Variants in DPH1 observed in about 807,000 individuals in gnomAD.
DPH1 encodes 2-(3-amino-3-carboxypropyl)histidine synthase subunit 1.
A neutral mutation model predicts 55.3 loss-of-function variants in DPH1; 59 were observed. The ratio of observed to expected loss-of-function variants is 1.07; its 90% CI spans 0.87 to 1.33. The LOEUF (loss-of-function observed/expected upper bound fraction) is 1.33, where lower values mean the gene tolerates loss of function less well. Ranked by LOEUF, DPH1 falls within the 40% of genes most tolerant of loss-of-function variation. The pLI is 0.00. For missense variants in DPH1, 628 were observed against 584.8 expected, an observed-to-expected ratio of 1.07 and a Z score of -0.76; for synonymous variants, 238 against 235.5, an observed-to-expected ratio of 1.01 and a Z score of -0.10.
At chr17:2,037,445 G>T (rs1018190053) in intron 6 of DPH1, among the ~76,000 whole-genome samples, 1 of 152,210 alleles carries the variant, frequency 6.6e-6, no homozygotes, top group South Asian at 2.1e-4. Context: ...TGGCAGGGAG[G>T]GAGGGTCGCT....
chr17:2,043,227 C>CA lies in DPH1; in HGVS notation c.*643dup. 8.1e-7 allele frequency: 1 copy of CA among 1,234,572 alleles called. No individual in the cohort carries two copies. The highest frequency in any genetic ancestry group is 1.1e-6 in the Non-Finnish European group (1 of 892,142). The allele number at this position is 1,234,572 out of a possible 1,614,324, so 76.5% of individuals were successfully genotyped here. On this transcript the variant is annotated 3_prime_UTR_variant, in exon 13 of 13. Transcript: ENST00000263083. ...CGCCTCACCAGAACCAGTTAAGAGACAACTATCAATTCTTGAGACCCAAAT... is the reference window on the plus strand; with the variant it reads ...CGCCTCACCAGAACCAGTTAAGAGACAAACTATCAATTCTTGAGACCCAAAT...
intron 1 of DPH1, among the ~76,000 whole-genome samples, chr17:2,031,776 T>C (rs564921888): frequency 2.6e-4 from 40 of 152,228 alleles, no homozygotes; most frequent in African/African-American, 8.7e-4. Context: ...TTCAGCTTAT[T>C]ATTTTTTATC....
intron 12 of DPH1, 140 bp from the exon 13 acceptor site, chr17:2,042,465 C>T (rs1443929008): frequency 6.6e-5 from 86 of 1,310,298 alleles, no homozygotes; most frequent in Admixed American, 1.5e-4. Context: ...CACTCATTTC[C>T]CCCCTCTCAT....
chr17:2,041,265 C>A, intron 10 of DPH1, 84 bp downstream of exon 10: 1 of 1,512,534 alleles, frequency 6.6e-7, no homozygotes, highest in Non-Finnish European at 9.0e-7. Context: ...GGGTGGGCAG[C>A]ACTTCGTTAT....
intron 1 of DPH1, 90 bp downstream of exon 1, chr17:2,030,320 C>T (rs1336251227): frequency 3.6e-6 from 5 of 1,395,320 alleles, no homozygotes; most frequent in Non-Finnish European, 4.8e-6. Flanking sequence ...TTAACGGCGG[C>T]GGCGCCTTTC....
intron 12 of DPH1, 141 bp from the exon 13 acceptor site, chr17:2,042,463 TC>T (rs1333916078): frequency 1.6e-5 from 21 of 1,312,638 alleles, no homozygotes; most frequent in Middle Eastern, 2.2e-4. Context: ...TCCACTCATT[TC>T]CCCCCTCTCA....
intron 3 of DPH1, among the ~76,000 whole-genome samples, 168 bp from the exon 4 acceptor site, chr17:2,035,802 G>C (rs1257019373): frequency 6.6e-6 from 1 of 152,122 alleles, no homozygotes; most frequent in Non-Finnish European, 1.5e-5. Flanking sequence ...GCAGGCGGCA[G>C]CTGTGCCCCT....
rs764159348 is a variant in DPH1, at chr17:2,036,972, G to A, written c.680+16G>A. 4 of 1,609,584 alleles carry A rather than the reference G, an allele frequency of 2.5e-6. No individual in the cohort carries two copies. The African/African-American group carries it at 4.0e-5, about 16-fold the overall frequency. On this transcript the variant is annotated intron_variant, in intron 6 of 12. Coordinates refer to ENST00000263083, the MANE Select transcript of DPH1 (RefSeq NM_001383.6). This position sits in a 1 kb window ranked among gnomAD's most constrained non-coding sequence, Gnocchi z 4.8. ...AGGCCGTTGTGTAAGTTAAAAATGG[G>A]GGCCAAGTAAGTCCTAGAGACATGC...
In DPH1 at chr17:2,042,046, T is replaced by C. The variant is rs763221158; in HGVS notation, c.*18+171T>C. The C allele has an allele frequency of 5.3e-6, 8 of 1,522,190 alleles. No individual in the cohort carries two copies. The African/African-American group carries it at 8.4e-5, about 16-fold the overall frequency. The allele number at this position is 1,522,190 out of a possible 1,614,324, so 94.3% of individuals were successfully genotyped here. The stretch of plus-strand genomic sequence containing the variant: ...TGCTTCCGTCGCTCCTTGCCGGGCA[T>C]AATGGCCGCGCAGCGACCCCTGCGG... On this transcript the variant is annotated intron_variant, in intron 12 of 12. Coordinates refer to ENST00000263083, the MANE Select transcript of DPH1 (RefSeq NM_001383.6).
At chr17:2,032,295 G>A (rs2067341901) in intron 1 of DPH1, among the ~76,000 whole-genome samples, 1 of 152,100 alleles carries the variant, frequency 6.6e-6, no homozygotes, top group East Asian at 1.9e-4. Flanking sequence ...CTCTATCAGG[G>A]AGCAGTATAT....
In DPH1 at chr17:2,041,111, A is replaced by G; in HGVS notation, c.1016A>G (p.Gln339Arg). Residue 339 changes from glutamine (Q) to arginine (R), a missense_variant, in exon 10 of 13, where the codon CAG becomes CGG. Physicochemically the swap from Gln to Arg is conservative, Grantham distance 43. Coordinates refer to ENST00000263083, the MANE Select transcript of DPH1 (RefSeq NM_001383.6). ...SLLPEVDVWV[Q>R]VACPRLSIDW... is the part of the protein sequence containing the mutation. ...CTGGCTTCCCTTCCCAGGTGGGTGC[A>G]GGTGGCATGTCCACGTCTCTCCATT... is the stretch of plus-strand genomic sequence containing the variant. The G allele has an allele frequency of 6.2e-7, 1 of 1,601,662 alleles. No individual in the cohort carries two copies. The highest frequency in any genetic ancestry group is 8.5e-7 in the Non-Finnish European group (1 of 1,173,938).
chr17:2,035,661 G>T (rs1253263358), intron 3 of DPH1, among the ~76,000 whole-genome samples: 2 of 152,134 alleles, frequency 1.3e-5, no homozygotes, highest in East Asian at 3.8e-4. Context: ...GTGAGTCAGG[G>T]CATGGGGCGT....
At chr17:2,041,230 G>A in intron 10 of DPH1, 49 bp downstream of exon 10, 1 of 1,565,782 alleles carries the variant, frequency 6.4e-7, no homozygotes, top group African/African-American at 1.3e-5. Context: ...GGTTCTCAAA[G>A]GTGAGGTCTG....
Position 2,036,663 on chromosome 17 carries a change from A to G in DPH1, c.535A>G (p.Ile179Val), listed in dbSNP as rs749756099. 5.6e-6 allele frequency: 9 copies of G among 1,614,022 alleles called. No individual in the cohort carries two copies. The highest frequency in any genetic ancestry group is 2.7e-5 in the African/African-American group (2 of 75,006). The part of the protein sequence containing the change: ...PATALALVST[I>V]QFVSTLQAAA... ...CACTGCCCTTGCCCTGGTCAGCACCATTCAGTTTGTGTCGACCTTGCAGGT... is the reference window on the plus strand; with the variant it reads ...CACTGCCCTTGCCCTGGTCAGCACCGTTCAGTTTGTGTCGACCTTGCAGGT... Residue 179 changes from isoleucine (I) to valine (V), a missense_variant, in exon 5 of 13, where the codon ATT becomes GTT. Physicochemically the swap from Ile to Val is conservative, Grantham distance 29 (BLOSUM62 3). Transcript: ENST00000263083. The surrounding 1 kb of genome is among the most constrained non-coding windows in gnomAD (Gnocchi z 4.8).
At chr17:2,038,504 G>T (rs2067460442) in intron 6 of DPH1, among the ~76,000 whole-genome samples, 1 of 152,136 alleles carries the variant, frequency 6.6e-6, no homozygotes, top group Non-Finnish European at 1.5e-5. Flanking sequence ...TGAGGGGTGG[G>T]CCAGCCAGCG....
intron 3 of DPH1, chr17:2,035,070 GA>G (rs1233146196): frequency 6.6e-6 from 1 of 152,048 alleles, no homozygotes; most frequent in African/African-American, 2.4e-5. Context: ...GGGGGTGGAG[GA>G]GGGGGTGACT....
intron 7 of DPH1, 38 bp downstream of exon 7, chr17:2,039,861 G>C: frequency 6.2e-7 from 1 of 1,613,590 alleles, no homozygotes; most frequent in Non-Finnish European, 8.5e-7. Flanking sequence ...CAGCTGGTGA[G>C]GGGTGAGATT....
In DPH1 at chr17:2,042,789, G is replaced by A; in HGVS notation, c.*203G>A. The A allele has an allele frequency of 2.5e-6, 4 of 1,613,330 alleles. No homozygotes were observed. The highest frequency in any genetic ancestry group is 1.1e-5 in the South Asian group (1 of 91,070). On this transcript the variant is annotated 3_prime_UTR_variant, in exon 13 of 13. Transcript: ENST00000263083. ...TTCTTGGTTTCAGCCAAGGGGCTGC[G>A]CTAGCAGCCCTTGTGTGTGCCCTGG... is the stretch of plus-strand genomic sequence containing the variant.
chr17:2,038,635 T>C (rs1220688589), intron 6 of DPH1, among the ~76,000 whole-genome samples: 2 of 152,190 alleles, frequency 1.3e-5, no homozygotes, highest in Non-Finnish European at 2.9e-5. Context: ...TATGAGATCC[T>C]AATGCCTGAT....
Sources: gnomAD v4.1 joint callset for allele counts (sites outside exome capture counted in the v4.1 genomes callset) on GRCh38, gnomAD v4.1.1 for gene constraint, Gnocchi (gnomAD v3.1) non-coding constraint, MANE v1.5 for transcripts, NCBI Gene and HGNC (gene_info 2026-07-23, HGNC 2026-07-21) for gene names.